Variants in TMEM265 observed in about 807,000 individuals in gnomAD.
The protein encoded by TMEM265 is transmembrane protein 265.
In TMEM265, 8 loss-of-function variants were observed where a neutral mutation model predicts 9.5. That is an observed-to-expected ratio of 0.84 (90% CI 0.49 to 1.52). The LOEUF (loss-of-function observed/expected upper bound fraction) is 1.52. TMEM265 is among the 40% of genes most tolerant of loss of function. The pLI is 0.00. For synonymous variants in TMEM265, 53 were observed against 56.9 expected (o/e 0.93, Z 0.31); for missense variants, 152 against 146.2 (o/e 1.04, Z -0.21).
At chr16:30,742,207 T>C (rs953929859) in intron 2 of TMEM265, among the ~76,000 whole-genome samples, 1 of 152,136 alleles carries the variant, frequency 6.6e-6, no homozygotes, top group South Asian at 2.1e-4. Context: ...TATGGTAGAA[T>C]AGGTGACTGG....
At chr16:30,741,333 C>T (rs2053222959) in intron 1 of TMEM265, 1 of 159,086 alleles carries the variant, frequency 6.3e-6, no homozygotes, top group Non-Finnish European at 1.4e-5. Flanking sequence ...CTATAATACT[C>T]AGGGGGCAGC....
intron 1 of TMEM265, chr16:30,741,173 A>G (rs889483604): frequency 1.3e-5 from 2 of 152,260 alleles, no homozygotes; most frequent in Non-Finnish European, 2.9e-5. Flanking sequence ...TTAGGGAAGT[A>G]AAGTCTTTCT....
At chr16:30,741,605 A>T in intron 1 of TMEM265, 136 bp from the exon 2 acceptor site, 2 of 925,704 alleles carry the variant, frequency 2.2e-6, no homozygotes, top group Non-Finnish European at 3.1e-6. Flanking sequence ...CACTAGAGGA[A>T]TTCCCCAGTA....
intron 2 of TMEM265, 148 bp from the exon 3 acceptor site, chr16:30,743,634 G>A (rs557804271): frequency 1.7e-4 from 171 of 1,016,874 alleles, no homozygotes; most frequent in Non-Finnish European, 2.2e-4. Flanking sequence ...TTTTGCAGAT[G>A]AGAGGTTAGA....
intron 2 of TMEM265, among the ~76,000 whole-genome samples, chr16:30,742,380 G>C (rs1356145609): frequency 6.6e-6 from 1 of 152,128 alleles, no homozygotes; most frequent in East Asian, 1.9e-4. Flanking sequence ...AGATTCCCAA[G>C]GGCCTCCAGT....
chr16:30,743,719 G>A, intron 2 of TMEM265, 63 bp from the exon 3 acceptor site: 2 of 1,455,952 alleles, frequency 1.4e-6, no homozygotes, highest in Non-Finnish European at 9.1e-7. Context: ...GGAGCGGAGT[G>A]GGGAAATGGG....
In TMEM265 at chr16:30,742,337, T is replaced by C. The variant is rs1289979255; in HGVS notation, c.165+429T>C. 2.0e-5 allele frequency among the ~76,000 whole-genome samples: 3 copies of C among 151,730 alleles called. No homozygotes were observed. The East Asian group carries it at 5.8e-4, about 29-fold the overall frequency. ...GGCCTGTGGAGCATGACTGGACCAGTGAGGAATAGTGAGAGATGAAGCTAG... is the reference window on the plus strand; with the variant it reads ...GGCCTGTGGAGCATGACTGGACCAGCGAGGAATAGTGAGAGATGAAGCTAG... On this transcript the variant is annotated intron_variant, in intron 2 of 2. Transcript: ENST00000615541.
At chr16:30,741,942 G>T (rs2053229251) in intron 2 of TMEM265, 34 bp downstream of exon 2, 1 of 1,524,528 alleles carries the variant, frequency 6.6e-7, no homozygotes, top group South Asian at 1.2e-5. Flanking sequence ...AATGGGGGTG[G>T]GTATAAGGCA....
chr16:30,743,647 C>A, intron 2 of TMEM265, 135 bp from the exon 3 acceptor site: 4 of 1,133,962 alleles, frequency 3.5e-6, no homozygotes, highest in Non-Finnish European at 4.8e-6. Flanking sequence ...AGGTTAGAAT[C>A]AGAAACTGGA....
chr16:30,743,094 G>A (rs2053235254), intron 2 of TMEM265, among the ~76,000 whole-genome samples: 1 of 151,630 alleles, frequency 6.6e-6, no homozygotes, highest in Admixed American at 6.6e-5. Context: ...GGCCCTTAAT[G>A]ATAACAAAGA....
chr16:30,744,244 A>C lies in TMEM265; in HGVS notation c.*301A>C. The C allele has an allele frequency of 7.1e-6, 2 of 279,834 alleles. No homozygotes were observed. The highest frequency in any genetic ancestry group is 1.3e-5 in the Non-Finnish European group (2 of 151,752). The allele number at this position is 279,834 out of a possible 1,614,324, so 17.3% of individuals were successfully genotyped here. A position where few individuals can be genotyped will look rare whatever the true frequency, so the allele number is the denominator to read the frequency against. On this transcript the variant is annotated 3_prime_UTR_variant, in exon 3 of 3. Transcript: ENST00000615541. ...TGAAGACCAGGCCTGGTTTTATTAG[A>C]ATTCATTTTGTAATAAAAGCCTTTT...
Position 30,741,810 on chromosome 16 carries a change from ATCCGCTGCTGCTGGCTCCGCC to A in TMEM265, c.77_97del (p.Cys26_Cys32del), listed in dbSNP as rs2053228054. ...GGAAGCTGCTCATCCTCCATCCCCCATCCGCTGCTGCTGGCTCCGCCTCCGCTGCTTGGCAGCTACTAGCAT... is the reference window on the plus strand; with the variant it reads ...GGAAGCTGCTCATCCTCCATCCCCCATCCGCTGCTTGGCAGCTACTAGCAT... On this transcript the variant is annotated inframe_deletion, in exon 2 of 3. Transcript: ENST00000615541. 1 of 1,533,980 alleles carries A rather than the reference ATCCGCTGCTGCTGGCTCCGCC, an allele frequency of 6.5e-7. No homozygotes were observed.
intron 1 of TMEM265, chr16:30,740,981 G>C (rs2053218801): frequency 6.6e-6 from 1 of 152,206 alleles, no homozygotes; most frequent in Admixed American, 6.5e-5. Flanking sequence ...TTTGATGCCA[G>C]GGCCTAGAGG....
chr16:30,740,734 C>G (rs2053216038), intron 1 of TMEM265, 27 bp downstream of exon 1: 1 of 152,282 alleles, frequency 6.6e-6, no homozygotes, highest in Non-Finnish European at 1.5e-5. Context: ...TTTTTACATT[C>G]TCTGTTCACT....
At position 30,743,657 on chromosome 16, in the gene TMEM265, A is replaced by T. The variant is rs945348683; in HGVS notation, c.166-125A>T. 20 of 1,185,134 alleles carry T rather than the reference A, an allele frequency of 1.7e-5. No homozygotes were observed. The African/African-American group carries it at 3.1e-4, about 18-fold the overall frequency. The allele number at this position is 1,185,134 out of a possible 1,614,324, so 73.4% of individuals were successfully genotyped here. A position where few individuals can be genotyped will look rare whatever the true frequency, so the allele number is the denominator to read the frequency against. The stretch of plus-strand genomic sequence containing the variant: ...ATGAGAGGTTAGAATCAGAAACTGG[A>T]AAGGGAGGTAGAGGGTTTGGATGTG... On this transcript the variant is annotated intron_variant, in intron 2 of 2. Coordinates refer to ENST00000615541, the MANE Select transcript of TMEM265 (RefSeq NM_001256829.2).
At position 30,744,282 on chromosome 16, in the gene TMEM265, T is replaced by G; in HGVS notation, c.*339T>G. The stretch of plus-strand genomic sequence containing the variant: ...ATAAAAGCCTTTTTTAGTGGTGAAA[T>G]ACTCCTGTCTAATTGTTCTCCTCCT... On this transcript the variant is annotated 3_prime_UTR_variant, in exon 3 of 3. Transcript: ENST00000615541. The G allele has an allele frequency of 1.1e-5, 2 of 186,636 alleles. No homozygotes were observed. The highest frequency in any genetic ancestry group is 2.2e-5 in the Non-Finnish European group (2 of 91,378). 11.6% of individuals were successfully genotyped at this position (186,636 alleles called of 1,614,324 possible).
chr16:30,741,924 C>A lies in TMEM265; in HGVS notation c.165+16C>A. ...TGCCATCAAGGTGAGGAGTGCAATT[C>A]CCATGGGAATGGGGGTGGGTATAAG... On this transcript the variant is annotated intron_variant, in intron 2 of 2. Coordinates refer to ENST00000615541, the MANE Select transcript of TMEM265 (RefSeq NM_001256829.2). 1 of 1,532,096 alleles carries A rather than the reference C, an allele frequency of 6.5e-7. No homozygotes were observed. Among genetic ancestry groups the A allele is most frequent in the East Asian group, 2.4e-5 (1 of 40,890 alleles). 94.9% of individuals were successfully genotyped at this position (1,532,096 alleles called of 1,614,324 possible).
chr16:30,743,257 G>A (rs533883463), intron 2 of TMEM265, among the ~76,000 whole-genome samples: 3 of 152,104 alleles, frequency 2.0e-5, no homozygotes, highest in Non-Finnish European at 2.9e-5. Flanking sequence ...GTGGTGGCAC[G>A]TACCTGTTAT....
Position 30,745,100 on chromosome 16 carries a change from A to T in TMEM265, c.*1157A>T, listed in dbSNP as rs921693922. The T allele has an allele frequency of 6.6e-6, 1 of 152,220 alleles. No homozygotes were observed. The highest frequency in any genetic ancestry group is 1.5e-5 in the Non-Finnish European group (1 of 68,044). 9.4% of individuals were successfully genotyped at this position (152,220 alleles called of 1,614,324 possible). On this transcript the variant is annotated 3_prime_UTR_variant, in exon 3 of 3. Transcript: ENST00000615541. ...ACAGGTAACCACCATTCTGACTTCT[A>T]GCAGTGTCATTTAATTTTGTCTGCA...
Sources: allele counts gnomAD v4.1 joint callset (sites outside exome capture counted in the v4.1 genomes callset), GRCh38; gene constraint gnomAD v4.1.1; transcripts MANE v1.5; gene names NCBI Gene and HGNC (gene_info 2026-07-23, HGNC 2026-07-21).